Variants in ZNF563 observed in about 807,000 individuals in gnomAD.
ZNF563 encodes zinc finger protein 563.
In ZNF563, 39 loss-of-function variants were observed where a neutral mutation model predicts 48.5. The ratio of observed to expected loss-of-function variants is 0.80; its 90% CI spans 0.62 to 1.05. The LOEUF (loss-of-function observed/expected upper bound fraction) is 1.05. Ranked by LOEUF, ZNF563 falls within the 50% of genes least tolerant of loss-of-function variation. ZNF563 has a pLI of 0.00. For missense variants in ZNF563, 538 were observed against 597.0 expected, an observed-to-expected ratio of 0.90 and a Z score of 1.03; for synonymous variants, 168 against 187.9, an observed-to-expected ratio of 0.89 and a Z score of 0.87.
intron 1 of ZNF563, among the ~76,000 whole-genome samples, chr19:12,329,472 C>CAAAAAAAA (rs754295632): frequency 9.2e-5 from 7 of 75,836 alleles, no homozygotes; most frequent in East Asian, 7.3e-4. Flanking sequence ...GACTCCATCT[C>CAAAAAAAA]AAAAAAAAAA....
intron 1 of ZNF563, chr19:12,324,779 C>T (rs1368997476): frequency 8.0e-6 from 1 of 125,662 alleles, no homozygotes; most frequent in African/African-American, 3.0e-5. Context: ...TTTGCAAAAA[C>T]AGATAAAGGA....
At chr19:12,340,499 C>T in the ZNF563 span, among the ~76,000 whole-genome samples, 1 of 152,028 alleles carries the variant, frequency 6.6e-6, no homozygotes, top group Non-Finnish European at 1.5e-5. Flanking sequence ...GTCAGCTAGG[C>T]ATGATGGCTC....
At chr19:12,345,430 T>C in the ZNF563 span, among the ~76,000 whole-genome samples, 1 of 152,164 alleles carries the variant, frequency 6.6e-6, no homozygotes, top group Admixed American at 6.6e-5. Flanking sequence ...TAAATGCTCA[T>C]ATACAGGGTG....
At chr19:12,321,180 GC>G (rs1968612276) in intron 3 of ZNF563, 91 bp downstream of exon 3, 2 of 888,066 alleles carry the variant, frequency 2.3e-6, no homozygotes, top group Non-Finnish European at 3.4e-6. Flanking sequence ...ATAAATTTAA[GC>G]TGGACTTGTT....
upstream of ZNF563, among the ~76,000 whole-genome samples, chr19:12,336,312 G>A (rs1378108597): frequency 6.6e-6 from 1 of 152,058 alleles, no homozygotes; most frequent in African/African-American, 2.4e-5. Flanking sequence ...ACAAAACAAG[G>A]CCAGGCGCGG....
intron 1 of ZNF563, 110 bp downstream of exon 1, chr19:12,333,370 C>T: frequency 6.8e-7 from 1 of 1,471,834 alleles, no homozygotes; most frequent in East Asian, 2.4e-5. Flanking sequence ...GGACTCGGGT[C>T]CCAGACCCCG....
chr19:12,325,223 T>A (rs574252934), intron 1 of ZNF563, among the ~76,000 whole-genome samples: 1 of 152,278 alleles, frequency 6.6e-6, no homozygotes, highest in Admixed American at 6.5e-5. Context: ...GGCTCATGCC[T>A]GTAATCCCAG....
chr19:12,318,456 A>C lies in ZNF563; in HGVS notation c.*138T>G. On this transcript the variant is annotated 3_prime_UTR_variant, in exon 4 of 4. Transcript: ENST00000293725. ...TCATACAGCATCTCTCCAGTGTGAG[A>C]TATTTCATGATTTTGAAAGGAATAA... 1.0e-6 allele frequency: 1 copy of C among 959,228 alleles called. No individual in the cohort carries two copies. Among genetic ancestry groups the C allele is most frequent in the East Asian group, 2.6e-5 (1 of 38,028 alleles). The allele number at this position is 959,228 out of a possible 1,614,324, so 59.4% of individuals were successfully genotyped here.
the ZNF563 span, among the ~76,000 whole-genome samples, chr19:12,339,225 C>G: frequency 6.6e-6 from 1 of 150,772 alleles, no homozygotes; most frequent in African/African-American, 2.4e-5. Flanking sequence ...GGTGGTTATA[C>G]TGGCCGATGT....
the ZNF563 span, among the ~76,000 whole-genome samples, chr19:12,339,670 C>T: frequency 6.6e-6 from 1 of 151,872 alleles, no homozygotes; most frequent in African/African-American, 2.4e-5. Flanking sequence ...TCAGGTGAGA[C>T]ATGTAGGAGG....
chr19:12,325,853 G>A (rs753860487), intron 1 of ZNF563, among the ~76,000 whole-genome samples: 1 of 152,130 alleles, frequency 6.6e-6, no homozygotes, highest in African/African-American at 2.4e-5. Context: ...GAACACAAAT[G>A]AACACAAGCT....
At chr19:12,329,398 G>A (rs1301286477) in intron 1 of ZNF563, among the ~76,000 whole-genome samples, 3 of 150,980 alleles carry the variant, frequency 2.0e-5, no homozygotes, top group Admixed American at 6.6e-5. Context: ...ACTTGAACCC[G>A]GGAAGCGCAG....
In ZNF563 at chr19:12,318,934, G is replaced by A; in HGVS notation, c.1091C>T (p.Pro364Leu). 1 of 1,614,088 alleles carries A rather than the reference G, an allele frequency of 6.2e-7. No homozygotes were observed. The highest frequency in any genetic ancestry group is 8.5e-7 in the Non-Finnish European group (1 of 1,180,014). The stretch of plus-strand genomic sequence containing the variant: ...TTTCCCACACTGCTTGCATTCATAG[G>A]GTTTCTCTCCAGTGTGAATTCGTTC... Reference protein sequence around the residue: ...YHERIHTGEKPYECKQCGKTL... With the variant: ...YHERIHTGEKLYECKQCGKTL... Residue 364 changes from proline (P) to leucine (L), a missense_variant, in exon 4 of 4, where the codon CCC becomes CTC. Physicochemically the swap from Pro to Leu is moderately conservative, Grantham distance 98. Transcript: ENST00000293725.
At chr19:12,322,829 T>C in intron 1 of ZNF563, 118 bp from the exon 2 acceptor site, 1 of 1,122,862 alleles carries the variant, frequency 8.9e-7, no homozygotes, top group Non-Finnish European at 1.2e-6. Flanking sequence ...AATGATGTAG[T>C]AAACTCTCTC....
In ZNF563 at chr19:12,322,650, C is replaced by T; in HGVS notation, c.65G>A (p.Gly22Asp). 1 of 1,610,098 alleles carries T rather than the reference C, an allele frequency of 6.2e-7. No individual in the cohort carries two copies. The highest frequency in any genetic ancestry group is 2.2e-5 in the East Asian group (1 of 44,646). Residue 22 changes from glycine to aspartate, a missense_variant, in exon 2 of 4, where the codon GGT (glycine) becomes GAT (aspartate). Transcript: ENST00000293725. ...TCTGTATAAATTCTTCTGTGATGGACCCAGCAAAGCCCATTCCTCCTGGGT... is the reference window on the plus strand; with the variant it reads ...TCTGTATAAATTCTTCTGTGATGGATCCAGCAAAGCCCATTCCTCCTGGGT... Reference protein sequence around the residue: ...NFTQEEWALLGPSQKNLYRYV... With the variant: ...NFTQEEWALLDPSQKNLYRYV...
At chr19:12,340,151 A>G in the ZNF563 span, among the ~76,000 whole-genome samples, 2 of 152,132 alleles carry the variant, frequency 1.3e-5, no homozygotes, top group African/African-American at 2.4e-5. Context: ...CCAGGCCAAC[A>G]TGGCAAAACC....
At chr19:12,344,031 T>C in the ZNF563 span, among the ~76,000 whole-genome samples, 13 of 151,926 alleles carry the variant, frequency 8.6e-5, no homozygotes, top group South Asian at 2.1e-4. Context: ...GCCCAGCCTA[T>C]TGAAGCATAA....
upstream of ZNF563, among the ~76,000 whole-genome samples, chr19:12,336,771 C>A (rs1969025320): frequency 6.6e-6 from 1 of 152,216 alleles, no homozygotes; most frequent in Admixed American, 6.5e-5. Context: ...GGGTTGACAT[C>A]ATGTGCTCTG....
chr19:12,323,637 T>C (rs1198038335), intron 1 of ZNF563, among the ~76,000 whole-genome samples: 1 of 152,172 alleles, frequency 6.6e-6, no homozygotes, highest in Non-Finnish European at 1.5e-5. Context: ...AAAAAACAAA[T>C]ATTGTTCCTT....
Sources: allele counts gnomAD v4.1 joint callset (sites outside exome capture counted in the v4.1 genomes callset), GRCh38; gene constraint gnomAD v4.1.1; transcripts MANE v1.5; gene names NCBI Gene and HGNC (gene_info 2026-07-23, HGNC 2026-07-21).